The following ABAT variants were observed in gnomAD, a reference collection of about 807,000 sequenced individuals.
The protein encoded by ABAT is 4-aminobutyrate aminotransferase, also known as 4-aminobutyrate aminotransferase, mitochondrial.
In ABAT, 45 loss-of-function variants were observed where a neutral mutation model predicts 64.6. The observed-to-expected ratio is 0.70, with a 90% CI of 0.55 to 0.89. The LOEUF is 0.89. Ranked by LOEUF, ABAT falls within the 40% of genes least tolerant of loss-of-function variation. The pLI is 0.00. For synonymous variants in ABAT, 297 were observed against 250.5 expected (o/e 1.19, Z -1.75); for missense variants, 633 against 658.4 (o/e 0.96, Z 0.42).
In ABAT at chr16:8,783,939, G is replaced by A. The variant is rs1315963894; in HGVS notation, c.*2509G>A. The A allele has an allele frequency of 3.3e-5, 5 of 152,214 alleles. No homozygotes were observed. The highest frequency in any genetic ancestry group is 5.9e-5 in the Non-Finnish European group (4 of 68,036). The allele number at this position is 152,214 out of a possible 1,614,324, so 9.4% of individuals were successfully genotyped here. The stretch of plus-strand genomic sequence containing the variant: ...TTAAGCCATTTATCAACAAGTTCTT[G>A]TTGACTCAGGGCATAATGAGTTCCT... On this transcript the variant is annotated 3_prime_UTR_variant, in exon 16 of 16. Coordinates refer to ENST00000268251, the MANE Select transcript of ABAT (RefSeq NM_020686.6).
Position 8,781,214 on chromosome 16 carries a change from GATGA to G in ABAT, c.1382-94_1382-91del, listed in dbSNP as rs1466208602. 7.2e-7 allele frequency: 1 copy of G among 1,391,604 alleles called. No individual in the cohort carries two copies. Among genetic ancestry groups the G allele is most frequent in the Non-Finnish European group, 1.0e-6 (1 of 992,970 alleles). The allele number at this position is 1,391,604 out of a possible 1,614,324, so 86.2% of individuals were successfully genotyped here. On this transcript the variant is annotated intron_variant, in intron 15 of 15. Coordinates refer to ENST00000268251, the MANE Select transcript of ABAT (RefSeq NM_020686.6). This position sits in a 1 kb window ranked among gnomAD's most constrained non-coding sequence, Gnocchi z 4.5. ...TGATGGATGGATGGATGGATGGATG[GATGA>G]GCGTTGCCAACAGGCATCACTTTCC...
intron 1 of ABAT, among the ~76,000 whole-genome samples, chr16:8,706,238 AAT>A (rs1555485258): frequency 2.0e-5 from 3 of 148,998 alleles, no homozygotes; most frequent in Admixed American, 6.7e-5. Context: ...TATAAAAAAA[AAT>A]ATATATATAT....
chr16:8,732,931 A>G (rs1412614531), intron 1 of ABAT, among the ~76,000 whole-genome samples: 4 of 143,754 alleles, frequency 2.8e-5, no homozygotes, highest in Non-Finnish European at 6.0e-5. Flanking sequence ...CGGGGGGCTG[A>G]CCCCCCTACC....
chr16:8,740,532 C>G (rs1389048253), intron 2 of ABAT, among the ~76,000 whole-genome samples: 1 of 152,156 alleles, frequency 6.6e-6, no homozygotes. Flanking sequence ...TACAATGTGG[C>G]AACTGCTCCC....
rs372129616 is a variant in ABAT at position 8,687,632 on chromosome 16, G to A, written c.-42+12921G>A. On this transcript the variant is annotated intron_variant, in intron 1 of 15. Transcript: ENST00000268251. ...CTGTCAACAAATCAGATCATTTGCG[G>A]GTCATCCATCAGGTCCCACGCGGTG... is the stretch of plus-strand genomic sequence containing the variant. Among the ~76,000 whole-genome samples the A allele has an allele frequency of 3.9e-5, 6 of 152,316 alleles. No homozygotes were observed. The East Asian group carries it at 1.2e-3, about 29-fold the overall frequency.
chr16:8,771,818 T>G (rs1596469636), intron 11 of ABAT, among the ~76,000 whole-genome samples: 1 of 151,766 alleles, frequency 6.6e-6, no homozygotes, highest in East Asian at 1.9e-4. Flanking sequence ...CAGGCTGGAG[T>G]GCAGTGGTGT....
At chr16:8,771,800 G>C (rs2060118329) in intron 11 of ABAT, among the ~76,000 whole-genome samples, 1 of 151,606 alleles carries the variant, frequency 6.6e-6, no homozygotes, top group Non-Finnish European at 1.5e-5. Flanking sequence ...GGATCTTGCT[G>C]TGTTGCACAG....
chr16:8,714,636 T>A (rs561753945), intron 1 of ABAT: 14 of 152,486 alleles, frequency 9.2e-5, no homozygotes, highest in Non-Finnish European at 7.3e-5. Context: ...GATCCTGCAG[T>A]TGGTGTGTGC....
At chr16:8,750,295 C>G (rs894285524) in intron 4 of ABAT, 127 bp from the exon 5 acceptor site, 1 of 852,354 alleles carries the variant, frequency 1.2e-6, no homozygotes, top group Admixed American at 1.8e-5. Context: ...TGCTGGCACC[C>G]ACAGATGCCT....
At chr16:8,716,576 C>T (rs1426821165) in intron 1 of ABAT, among the ~76,000 whole-genome samples, 1 of 152,166 alleles carries the variant, frequency 6.6e-6, no homozygotes, top group Non-Finnish European at 1.5e-5. Flanking sequence ...TTCAGAAGAT[C>T]CCCCCATGTC....
intron 1 of ABAT, among the ~76,000 whole-genome samples, chr16:8,729,560 C>T (rs1158577878): frequency 6.6e-6 from 1 of 152,090 alleles, no homozygotes. Context: ...TGCCTCATGC[C>T]TATAATCCCA....
chr16:8,784,020 A>G lies in ABAT; in HGVS notation c.*2590A>G, dbSNP rs1194340295. ...AGCTAGAAGAATTTCAAGGAAAAGA[A>G]TTCTCAGCAGAGCTCAAGATTGTAG... On this transcript the variant is annotated 3_prime_UTR_variant, in exon 16 of 16. Coordinates refer to ENST00000268251, the MANE Select transcript of ABAT (RefSeq NM_020686.6). 6.6e-6 allele frequency: 1 copy of G among 152,238 alleles called. No individual in the cohort carries two copies. The highest frequency in any genetic ancestry group is 1.9e-4 in the East Asian group (1 of 5,194). The allele number at this position is 152,238 out of a possible 1,614,324, so 9.4% of individuals were successfully genotyped here. A position where few individuals can be genotyped will look rare whatever the true frequency, so the allele number is the denominator to read the frequency against.
Position 8,781,148 on chromosome 16 carries a change from G to A in ABAT, c.1382-161G>A. The A allele has an allele frequency of 9.8e-7, 1 of 1,016,264 alleles. No individual in the cohort carries two copies. Among genetic ancestry groups the A allele is most frequent in the Non-Finnish European group, 1.6e-6 (1 of 644,454 alleles). The allele number at this position is 1,016,264 out of a possible 1,614,324, so 63.0% of individuals were successfully genotyped here. A position where few individuals can be genotyped will look rare whatever the true frequency, so the allele number is the denominator to read the frequency against. ...GAGAAAGGAAATGAAGACTGGATGG[G>A]TGGGTGGTAGGAAGGAAGCCCGGGC... On this transcript the variant is annotated intron_variant, in intron 15 of 15. Transcript: ENST00000268251. The surrounding 1 kb of genome is among the most constrained non-coding windows in gnomAD (Gnocchi z 4.5).
At position 8,675,717 on chromosome 16, in the gene ABAT, G is replaced by T. The variant is rs544733313; in HGVS notation, c.-42+1006G>T. On this transcript the variant is annotated intron_variant, in intron 1 of 15. Transcript: ENST00000268251. The stretch of plus-strand genomic sequence containing the variant: ...GGAGTCTTCAAACTCTGACAACAGA[G>T]ATGGCCTCTGAGGCAGCAGGACCAG... Among the ~76,000 whole-genome samples, 16 of 152,256 alleles carry T rather than the reference G, an allele frequency of 1.1e-4. No homozygotes were observed. The South Asian group carries it at 2.7e-3, about 26-fold the overall frequency.
At chr16:8,777,205 G>C (rs1369979532) in intron 14 of ABAT, among the ~76,000 whole-genome samples, 1 of 152,092 alleles carries the variant, frequency 6.6e-6, no homozygotes, top group East Asian at 1.9e-4. Context: ...GCCCGGCCCT[G>C]GTTATCTTTT....
At chr16:8,718,567 C>T (rs1206401765) in intron 1 of ABAT, among the ~76,000 whole-genome samples, 2 of 152,118 alleles carry the variant, frequency 1.3e-5, no homozygotes, top group Non-Finnish European at 2.9e-5. Context: ...AGCCAGACAC[C>T]GTTCTGGACC....
At chr16:8,732,187 GT>G (rs1299655471) in intron 1 of ABAT, among the ~76,000 whole-genome samples, 2 of 7,098 alleles carry the variant, frequency 2.8e-4, no homozygotes, top group Non-Finnish European at 8.3e-4. Context: ...ACTACTTTAG[GT>G]TTTTTTTGTT....
At chr16:8,692,771 G>A (rs115924988) in intron 1 of ABAT, among the ~76,000 whole-genome samples, 3,641 of 152,248 alleles carry the variant, frequency 0.024, 143 homozygotes, top group African/African-American at 0.083. Flanking sequence ...GCGGGGGTTC[G>A]GCTACCTGGC....
chr16:8,741,668 G>A (rs1015746539), intron 2 of ABAT, among the ~76,000 whole-genome samples: 1 of 152,146 alleles, frequency 6.6e-6, no homozygotes, highest in African/African-American at 2.4e-5. Context: ...CTGTTCTCTT[G>A]TGGTGTATTG....
Sources: allele counts gnomAD v4.1 joint callset (sites outside exome capture counted in the v4.1 genomes callset), GRCh38; gene constraint gnomAD v4.1.1; non-coding constraint Gnocchi (gnomAD v3.1); transcripts MANE v1.5; gene names NCBI Gene and HGNC (gene_info 2026-07-23, HGNC 2026-07-21).